The following DLG2 variants were observed in gnomAD, a reference collection of about 807,000 sequenced individuals.
DLG2 encodes the protein disks large homolog 2.
DLG2 carries 45 observed loss-of-function variants against 132.5 expected under a neutral mutation model. That is an observed-to-expected ratio of 0.34 (90% CI 0.27 to 0.44). The LOEUF is 0.44. Ranked by LOEUF, DLG2 falls within the 20% of genes least tolerant of loss-of-function variation. DLG2 has a pLI of 1.00. For missense variants in DLG2, 1,045 were observed against 1,196.9 expected (o/e 0.87, Z 1.87); for synonymous variants, 424 against 419.6 (o/e 1.01, Z -0.13).
At position 84,747,662 on chromosome 11, in the gene DLG2, G is replaced by A. The variant is rs184357147; in HGVS notation, c.358-212931C>T. 3.6e-3 allele frequency among the ~76,000 whole-genome samples: 550 copies of A among 152,264 alleles called. 1 individual carries two copies. The highest frequency in any genetic ancestry group is 5.7e-3 in the Non-Finnish European group (389 of 68,018). On this transcript the variant is annotated intron_variant, in intron 6 of 27. Transcript: ENST00000376104. Reference sequence around the variant, plus strand: ...ATAATTATTAGTTCATGTCTCACGAGCTGCCTTTTTTTCCTCTATCCCTAG... The same window carrying A: ...ATAATTATTAGTTCATGTCTCACGAACTGCCTTTTTTTCCTCTATCCCTAG...
chr11:85,073,266 G>T (rs906926105), intron 6 of DLG2, among the ~76,000 whole-genome samples: 8 of 151,810 alleles, frequency 5.3e-5, no homozygotes, highest in Admixed American at 5.3e-4. Context: ...TCACTCCAGG[G>T]TGTCCTTTGT....
intron 7 of DLG2, among the ~76,000 whole-genome samples, chr11:84,502,945 T>C (rs2099225819): frequency 6.6e-6 from 1 of 152,134 alleles, no homozygotes. Flanking sequence ...AGGTCAGGGA[T>C]AAGTGCCTAA....
chr11:84,730,803 G>A (rs1250508513), intron 6 of DLG2, among the ~76,000 whole-genome samples: 1 of 151,902 alleles, frequency 6.6e-6, no homozygotes, highest in African/African-American at 2.4e-5. Context: ...TCACAAGAAG[G>A]GGCCCTCAGC....
intron 6 of DLG2, among the ~76,000 whole-genome samples, chr11:84,960,700 A>G (rs2052431332): frequency 6.6e-6 from 1 of 152,142 alleles, no homozygotes; most frequent in African/African-American, 2.4e-5. Flanking sequence ...TGGCTTCCCA[A>G]TTAAAATTTC....
chr11:85,286,244 A>G (rs2078551227), intron 3 of DLG2: 3 of 289,590 alleles, frequency 1.0e-5, no homozygotes, highest in African/African-American at 4.6e-5. Flanking sequence ...AAATTGAACA[A>G]TTAAGTGAAT....
At chr11:84,018,927 G>T (rs1369230096) in intron 11 of DLG2, among the ~76,000 whole-genome samples, 1 of 151,888 alleles carries the variant, frequency 6.6e-6, no homozygotes, top group Admixed American at 6.6e-5. Flanking sequence ...AAACATAAAG[G>T]AATAGATGAA....
intron 6 of DLG2, among the ~76,000 whole-genome samples, chr11:84,956,463 C>A (rs567519839): frequency 1.2e-4 from 19 of 152,154 alleles, no homozygotes; most frequent in Non-Finnish European, 2.4e-4. Context: ...GAGCCTAAGT[C>A]GGCTACATAT....
At chr11:83,952,001 C>T (rs1450606581) in intron 14 of DLG2, among the ~76,000 whole-genome samples, 1 of 152,094 alleles carries the variant, frequency 6.6e-6, no homozygotes, top group Non-Finnish European at 1.5e-5. Flanking sequence ...AGGCAAACCC[C>T]AAGGTTTGTG....
chr11:85,189,438 CACG>C (rs2080360073), intron 4 of DLG2, among the ~76,000 whole-genome samples: 2 of 152,164 alleles, frequency 1.3e-5, no homozygotes, highest in Admixed American at 6.5e-5. Flanking sequence ...TATTGATACA[CACG>C]ACAACTTGAA....
chr11:84,779,863 T>A (rs1047159498), intron 6 of DLG2, among the ~76,000 whole-genome samples: 2 of 149,420 alleles, frequency 1.3e-5, no homozygotes, highest in African/African-American at 2.5e-5. Flanking sequence ...AATAATAAGA[T>A]AGGATCAATA....
intron 6 of DLG2, among the ~76,000 whole-genome samples, chr11:84,915,333 T>TA (rs1476371279): frequency 2.6e-5 from 4 of 152,216 alleles, no homozygotes; most frequent in Non-Finnish European, 5.9e-5. Flanking sequence ...AAGAAATTGT[T>TA]AAAAGTTGGA....
At chr11:83,720,177 C>T (rs1404076880) in intron 18 of DLG2, among the ~76,000 whole-genome samples, 2 of 150,694 alleles carry the variant, frequency 1.3e-5, no homozygotes, top group East Asian at 1.9e-4. Flanking sequence ...GCCTGTAGTC[C>T]CAGCTACTTG....
chr11:84,591,253 G>GTGTGTGTGTA (rs1417329624), intron 6 of DLG2, among the ~76,000 whole-genome samples: 3 of 150,698 alleles, frequency 2.0e-5, no homozygotes, highest in South Asian at 2.1e-4. Context: ...GTGTGTGTGT[G>GTGTGTGTGTA]TGTGCGCGTC....
At chr11:84,621,314 G>A (rs991678223) in intron 6 of DLG2, among the ~76,000 whole-genome samples, 3 of 152,108 alleles carry the variant, frequency 2.0e-5, no homozygotes, top group African/African-American at 4.8e-5. Flanking sequence ...TGAGAAGAAT[G>A]AACTGGAGTA....
chr11:83,884,528 AC>A (rs1418885513), intron 15 of DLG2, among the ~76,000 whole-genome samples: 1 of 152,184 alleles, frequency 6.6e-6, no homozygotes, highest in African/African-American at 2.4e-5. Flanking sequence ...GCACAGACAA[AC>A]AAAAAGACAG....
chr11:84,895,475 A>T (rs961076792), intron 6 of DLG2, among the ~76,000 whole-genome samples: 10 of 152,200 alleles, frequency 6.6e-5, no homozygotes, highest in Admixed American at 5.9e-4. Flanking sequence ...TCTGATAAAG[A>T]TTAATACAAT....
intron 6 of DLG2, among the ~76,000 whole-genome samples, chr11:84,756,031 T>G (rs2066833966): frequency 6.6e-6 from 1 of 152,138 alleles, no homozygotes; most frequent in Non-Finnish European, 1.5e-5. Context: ...TTAGGAAACA[T>G]GGTGGTCAAG....
intron 6 of DLG2, among the ~76,000 whole-genome samples, chr11:84,889,307 T>A (rs2088901897): frequency 6.6e-6 from 1 of 152,122 alleles, no homozygotes; most frequent in Admixed American, 6.6e-5. Flanking sequence ...ATGCATTAGA[T>A]GATAACACTA....
At position 84,714,611 on chromosome 11, in the gene DLG2, TTCTCTTTCTCTTTCTCTCTC is replaced by T. The variant is rs1565750278; in HGVS notation, c.358-179900_358-179881del. On this transcript the variant is annotated intron_variant, in intron 6 of 27. Coordinates refer to ENST00000376104, the MANE Select transcript of DLG2 (RefSeq NM_001142699.3). Reference sequence around the variant, plus strand: ...TCTTTCTCTTTCTTTCTCTTTCTCTTTCTCTTTCTCTTTCTCTCTCTCTCTCTCTCTCTCTTTCTCTCTCT... The same window carrying T: ...TCTTTCTCTTTCTTTCTCTTTCTCTTTCTCTCTCTCTCTCTTTCTCTCTCT... 8.6e-3 allele frequency among the ~76,000 whole-genome samples: 802 copies of T among 93,438 alleles called. 15 individuals are homozygous for T. Among genetic ancestry groups the T allele is most frequent in the African/African-American group, 0.035 (742 of 21,444 alleles). The allele number at this position is 93,438 out of a possible 152,430, so 61.3% of individuals were successfully genotyped here.
Sources: allele counts gnomAD v4.1 joint callset (sites outside exome capture counted in the v4.1 genomes callset), GRCh38; gene constraint gnomAD v4.1.1; transcripts MANE v1.5; gene names NCBI Gene and HGNC (gene_info 2026-07-23, HGNC 2026-07-21).